Variants in PUS10 observed in about 807,000 individuals in gnomAD.
PUS10 encodes tRNA pseudouridine synthase Pus10.
A neutral mutation model predicts 75.0 loss-of-function variants in PUS10; 59 were observed. The ratio of observed to expected loss-of-function variants is 0.79; its 90% CI spans 0.64 to 0.98. The LOEUF is 0.98. PUS10 is among the 50% of genes least tolerant of loss of function. The pLI, the probability that PUS10 is intolerant of heterozygous loss-of-function variation, is 0.00. For synonymous variants in PUS10, 219 were observed against 211.6 expected (o/e 1.03, Z -0.30); for missense variants, 650 against 614.4 (o/e 1.06, Z -0.61).
At chr2:60,964,423 T>A (rs1227332324) in intron 8 of PUS10, among the ~76,000 whole-genome samples, 1 of 152,198 alleles carries the variant, frequency 6.6e-6, no homozygotes, top group African/African-American at 2.4e-5. Flanking sequence ...CCTACGAAAC[T>A]GATGCATGAA....
intron 4 of PUS10, among the ~76,000 whole-genome samples, chr2:60,990,713 T>C (rs1002586441): frequency 6.6e-6 from 1 of 152,206 alleles, no homozygotes; most frequent in Non-Finnish European, 1.5e-5. Context: ...TAGTTTCAAA[T>C]TATATTTTTC....
chr2:61,018,094 C>G lies in PUS10; in HGVS notation c.-102G>C. ...TTTTCGGGAGCTCCTGGGCGTCTCT[C>G]TGGGTCTCTGTGCTTGAAAGAAAGG... On this transcript the variant is annotated 5_prime_UTR_variant, in exon 1 of 18. Coordinates refer to ENST00000316752, the MANE Select transcript of PUS10 (RefSeq NM_144709.4). 6.5e-7 allele frequency: 1 copy of G among 1,539,384 alleles called. No individual in the cohort carries two copies. Among genetic ancestry groups the G allele is most frequent in the Non-Finnish European group, 8.8e-7 (1 of 1,142,202 alleles).
rs1674655246 is a variant in PUS10 at position 60,942,121 on chromosome 2, TA to T, written c.*273del. Reference sequence around the variant, plus strand: ...TGTGCACCTCTCTAAATGAAAGAATTAAGGAGAATTATTTCATTATTCATAG... The same window carrying T: ...TGTGCACCTCTCTAAATGAAAGAATTAGGAGAATTATTTCATTATTCATAG... On this transcript the variant is annotated 3_prime_UTR_variant, in exon 18 of 18. Transcript: ENST00000316752. 1.1e-5 allele frequency: 4 copies of T among 369,826 alleles called. No individual in the cohort carries two copies. In the South Asian group the frequency reaches 2.1e-4, roughly 20 times the overall value. 22.9% of individuals were successfully genotyped at this position (369,826 alleles called of 1,614,324 possible).
chr2:60,984,556 A>G (rs1180973804), intron 4 of PUS10, among the ~76,000 whole-genome samples: 1 of 152,222 alleles, frequency 6.6e-6, no homozygotes, highest in Non-Finnish European at 1.5e-5. Flanking sequence ...TTCCAATTCT[A>G]AGAATTTATC....
At position 60,997,114 on chromosome 2, in the gene PUS10, T is replaced by C. The variant is rs183579982; in HGVS notation, c.468+9443A>G. Among the ~76,000 whole-genome samples, 27 of 152,308 alleles carry C rather than the reference T, an allele frequency of 1.8e-4. 1 individual carries two copies. The highest frequency in any genetic ancestry group is 3.4e-3 in the Middle Eastern group (1 of 294). On this transcript the variant is annotated intron_variant, in intron 4 of 17. Coordinates refer to ENST00000316752, the MANE Select transcript of PUS10 (RefSeq NM_144709.4). ...ATGTTACATTCACAGAAGCAAGTTC[T>C]TGGAGTTACCTTTGATAAGATAGAG...
chr2:60,965,031 G>T, intron 8 of PUS10, 27 bp downstream of exon 8: 1 of 1,608,862 alleles, frequency 6.2e-7, no homozygotes, highest in Non-Finnish European at 8.5e-7. Flanking sequence ...ACTCACTCAA[G>T]ACTAAGAAGC....
rs1679630910 is a variant in PUS10, at chr2:61,011,912, A to G, written c.-15-7T>C. The G allele has an allele frequency of 9.5e-6, 15 of 1,586,256 alleles. No homozygotes were observed. The highest frequency in any genetic ancestry group is 1.9e-5 in the Admixed American group (1 of 52,178). On this transcript the variant is annotated splice_polypyrimidine_tract_variant and splice_region_variant and intron_variant, in intron 1 of 17. Transcript: ENST00000316752. ...ACATATTGAATAATTATAACTAGAA[A>G]GAAAAGAAGTAAAACTAATGAGCAG...
rs752944700 is a variant in PUS10 at position 60,960,498 on chromosome 2, G to A, written c.894C>T (p.Ser298=). 12 of 1,574,652 alleles carry A rather than the reference G, an allele frequency of 7.6e-6. No homozygotes were observed. The highest frequency in any genetic ancestry group is 9.4e-6 in the Non-Finnish European group (11 of 1,165,236). ...TCCAAGGAGTTTGTGGTAGATTCCT[G>A]GAGTATTTATTATATCTCCCTGAGA... ...VFVAGRYNKY[S]RNLPQTPWII... is the part of the protein sequence containing the mutation. The change falls in exon 11 of 18, where the codon TCC becomes TCT. Residue 298 remains serine, a synonymous_variant. Transcript: ENST00000316752.
intron 15 of PUS10, among the ~76,000 whole-genome samples, 197 bp from the exon 16 acceptor site, chr2:60,948,382 T>G (rs1429832432): frequency 1.3e-5 from 2 of 152,196 alleles, no homozygotes; most frequent in Admixed American, 1.3e-4. Context: ...CACACCGCCA[T>G]GCCCGGCTGA....
intron 4 of PUS10, among the ~76,000 whole-genome samples, chr2:60,979,479 T>G (rs1342867450): frequency 6.6e-6 from 1 of 152,164 alleles, no homozygotes; most frequent in Non-Finnish European, 1.5e-5. Context: ...AATATTTTCC[T>G]ATAACCACTG....
intron 4 of PUS10, among the ~76,000 whole-genome samples, chr2:60,978,389 T>A (rs1213931807): frequency 1.5e-5 from 2 of 135,098 alleles, no homozygotes; most frequent in Non-Finnish European, 3.0e-5. Context: ...ACCACTGTAC[T>A]CCAGCCTGGG....
chr2:60,973,320 G>C (rs1399259158), intron 4 of PUS10, among the ~76,000 whole-genome samples: 1 of 152,244 alleles, frequency 6.6e-6, no homozygotes, highest in Non-Finnish European at 1.5e-5. Flanking sequence ...ACTTGCGGCT[G>C]TGGACCTAAG....
rs1674661139 is a variant in PUS10 at position 60,942,225 on chromosome 2, A to G, written c.*170T>C. 4 of 642,836 alleles carry G rather than the reference A, an allele frequency of 6.2e-6. No individual in the cohort carries two copies. Among genetic ancestry groups the G allele is most frequent in the South Asian group, 4.1e-5 (2 of 48,820 alleles). The allele number at this position is 642,836 out of a possible 1,614,324, so 39.8% of individuals were successfully genotyped here. On this transcript the variant is annotated 3_prime_UTR_variant, in exon 18 of 18. Transcript: ENST00000316752. ...GAACAATTTAACACAAAATATACAC[A>G]TATATAGATCCTGAGATGTTACAAC...
intron 1 of PUS10, among the ~76,000 whole-genome samples, chr2:61,012,534 T>A (rs1206060274): frequency 6.6e-6 from 1 of 151,592 alleles, no homozygotes; most frequent in Non-Finnish European, 1.5e-5. Flanking sequence ...CTAAAAATAT[T>A]ACTCAAATTT....
chr2:60,982,548 C>T (rs1677463994), intron 4 of PUS10, among the ~76,000 whole-genome samples: 1 of 152,100 alleles, frequency 6.6e-6, no homozygotes, highest in African/African-American at 2.4e-5. Context: ...CAGGCGTGAG[C>T]CACCATGCCT....
intron 4 of PUS10, among the ~76,000 whole-genome samples, chr2:60,991,221 C>T (rs1300773012): frequency 6.6e-6 from 1 of 152,056 alleles, no homozygotes; most frequent in Non-Finnish European, 1.5e-5. Flanking sequence ...AAAGGATATT[C>T]TTCATGCAGA....
chr2:60,960,343 CAAA>C (rs375391646), intron 11 of PUS10, 46 bp downstream of exon 11: 11,792 of 1,118,214 alleles, frequency 0.011, no homozygotes, highest in South Asian at 0.022. Flanking sequence ...GCCCCTATCT[CAAA>C]AAAAAAAAAA....
chr2:60,960,483 T>C lies in PUS10; in HGVS notation c.909A>G (p.Gln303=), dbSNP rs912362633. 51 of 1,574,008 alleles carry C rather than the reference T, an allele frequency of 3.2e-5. 1 individual carries two copies. In the East Asian group the frequency reaches 9.4e-4, roughly 29 times the overall value. Residue 303 remains glutamine, a synonymous_variant, in exon 11 of 18, where the codon CAA becomes CAG. Transcript: ENST00000316752. The stretch of plus-strand genomic sequence containing the variant: ...TTTCTCCATCAATTATCCAAGGAGT[T>C]TGTGGTAGATTCCTGGAGTATTTAT... ...RYNKYSRNLP[Q]TPWIIDGERK...
intron 15 of PUS10, among the ~76,000 whole-genome samples, chr2:60,950,230 G>A (rs990878215): frequency 2.0e-5 from 3 of 152,110 alleles, no homozygotes; most frequent in Non-Finnish European, 4.4e-5. Flanking sequence ...TTAAGCAGGT[G>A]AATGATTTGT....
Sources: allele counts gnomAD v4.1 joint callset (sites outside exome capture counted in the v4.1 genomes callset), GRCh38; gene constraint gnomAD v4.1.1; transcripts MANE v1.5; gene names NCBI Gene and HGNC (gene_info 2026-07-23, HGNC 2026-07-21).